Variants in CMIP observed in about 807,000 individuals in gnomAD.
CMIP encodes c-Maf inducing protein.
In CMIP, 13 loss-of-function variants were observed where a neutral mutation model predicts 97.3. The ratio of observed to expected loss-of-function variants is 0.13; its 90% CI spans 0.09 to 0.21. The LOEUF (loss-of-function observed/expected upper bound fraction) is 0.21. Among genes scored for constraint, CMIP ranks in the 10% least tolerant of loss-of-function variants. The pLI, the probability that CMIP is intolerant of heterozygous loss-of-function variation, is 1.00. For missense variants in CMIP, 847 were observed against 1,024.9 expected, an observed-to-expected ratio of 0.83 and a Z score of 2.37; for synonymous variants, 538 against 436.3, an observed-to-expected ratio of 1.23 and a Z score of -2.91.
At chr16:81,568,487 G>C (rs1232955543) in intron 1 of CMIP, among the ~76,000 whole-genome samples, 1 of 152,224 alleles carries the variant, frequency 6.6e-6, no homozygotes, top group African/African-American at 2.4e-5. Context: ...CGTGCCTCGG[G>C]AGTGAGTCAC....
chr16:81,557,071 G>A (rs370285094), intron 1 of CMIP, among the ~76,000 whole-genome samples: 1 of 152,236 alleles, frequency 6.6e-6, no homozygotes, highest in Non-Finnish European at 1.5e-5. Context: ...TGCTTGTGAC[G>A]AAAATGTTCC....
At chr16:81,699,967 C>T (rs2151094506) in intron 15 of CMIP, among the ~76,000 whole-genome samples, 166 bp downstream of exon 15, 1 of 152,288 alleles carries the variant, frequency 6.6e-6, no homozygotes, top group African/African-American at 2.4e-5. Flanking sequence ...GAGCCTTCAT[C>T]ATGCAGTGTA....
chr16:81,506,904 CAAA>C (rs35148332), intron 1 of CMIP, among the ~76,000 whole-genome samples: 11 of 105,888 alleles, frequency 1.0e-4, no homozygotes, highest in Admixed American at 2.0e-4. Flanking sequence ...GACTCCGTCT[CAAA>C]AAAAAAAAAA....
At chr16:81,572,120 G>T (rs992195971) in intron 1 of CMIP, among the ~76,000 whole-genome samples, 1 of 152,206 alleles carries the variant, frequency 6.6e-6, no homozygotes, top group Admixed American at 6.5e-5. Flanking sequence ...GTCTCCCGGG[G>T]GCTCTTTTGC....
chr16:81,599,815 A>G (rs888978399), intron 1 of CMIP, among the ~76,000 whole-genome samples: 2 of 152,188 alleles, frequency 1.3e-5, no homozygotes, highest in African/African-American at 4.8e-5. Context: ...TCCCCGCCTT[A>G]GCATTGTTGT....
At chr16:81,565,706 C>A (rs564457312) in intron 1 of CMIP, among the ~76,000 whole-genome samples, 106 of 152,212 alleles carry the variant, frequency 7.0e-4, no homozygotes, top group African/African-American at 2.1e-3. Flanking sequence ...GGGAGTGACA[C>A]AAAGACAGCG....
intron 1 of CMIP, among the ~76,000 whole-genome samples, chr16:81,531,115 G>C (rs1328269264): frequency 6.6e-6 from 1 of 151,990 alleles, no homozygotes; most frequent in Non-Finnish European, 1.5e-5. Flanking sequence ...TTAAGATCAT[G>C]CTGGAGGTCA....
chr16:81,507,934 C>G (rs140313194), intron 1 of CMIP, among the ~76,000 whole-genome samples: 3 of 152,134 alleles, frequency 2.0e-5, no homozygotes, highest in Admixed American at 6.6e-5. Context: ...TGGACTGATC[C>G]GGTGATTTTT....
At chr16:81,670,735 T>A (rs942794435) in intron 8 of CMIP, among the ~76,000 whole-genome samples, 1 of 152,080 alleles carries the variant, frequency 6.6e-6, no homozygotes, top group Non-Finnish European at 1.5e-5. Context: ...GTTAGTGTGA[T>A]GCTCCAGTGA....
chr16:81,571,487 G>A (rs1417275097), intron 1 of CMIP, among the ~76,000 whole-genome samples: 5 of 149,242 alleles, frequency 3.4e-5, no homozygotes, highest in East Asian at 2.0e-4. Flanking sequence ...AGAGCCCAGC[G>A]CAGTGGCTCA....
At position 81,660,585 on chromosome 16, in the gene CMIP, G is replaced by C. The variant is rs199760361; in HGVS notation, c.682-299G>C. ...CCACTGCGCCCAGCCAATTTTGCAA[G>C]TATTTCATGAGTATGAGTATGTTTT... On this transcript the variant is annotated intron_variant, in intron 5 of 20. Transcript: ENST00000537098. 1.2e-3 allele frequency among the ~76,000 whole-genome samples: 179 copies of C among 152,192 alleles called. 1 individual carries two copies. The highest frequency in any genetic ancestry group is 2.9e-3 in the South Asian group (14 of 4,822).
At chr16:81,636,854 C>G (rs1241524052) in intron 3 of CMIP, among the ~76,000 whole-genome samples, 1 of 136,928 alleles carries the variant, frequency 7.3e-6, no homozygotes, top group Non-Finnish European at 1.6e-5. Flanking sequence ...CCACCCCCCA[C>G]CCCCTGAAGC....
At chr16:81,603,951 A>G (rs973239048) in intron 1 of CMIP, among the ~76,000 whole-genome samples, 1 of 152,200 alleles carries the variant, frequency 6.6e-6, no homozygotes, top group East Asian at 1.9e-4. Context: ...TCTCATCTTA[A>G]CCAGTAGAGG....
chr16:81,700,004 C>T (rs1339003500), intron 15 of CMIP, among the ~76,000 whole-genome samples: 1 of 152,136 alleles, frequency 6.6e-6, no homozygotes, highest in Non-Finnish European at 1.5e-5. Flanking sequence ...TCCAGCTGAT[C>T]CATTGATCAG....
chr16:81,514,971 C>T (rs962212126), intron 1 of CMIP, among the ~76,000 whole-genome samples: 7 of 152,196 alleles, frequency 4.6e-5, no homozygotes, highest in African/African-American at 4.8e-5. Context: ...CCCTGAGCAT[C>T]GTTGTTCGAG....
intron 1 of CMIP, among the ~76,000 whole-genome samples, chr16:81,528,694 C>G (rs962577596): frequency 6.6e-6 from 1 of 152,182 alleles, no homozygotes; most frequent in African/African-American, 2.4e-5. Flanking sequence ...ATGCCCAAGT[C>G]TTGAGCTTCT....
At chr16:81,675,231 T>A (rs1433591513) in intron 9 of CMIP, among the ~76,000 whole-genome samples, 1 of 152,158 alleles carries the variant, frequency 6.6e-6, no homozygotes, top group Non-Finnish European at 1.5e-5. Context: ...TTGGAAACAG[T>A]CTCACTCTGT....
chr16:81,702,648 A>G lies in CMIP; in HGVS notation c.1923A>G (p.Leu641=), dbSNP rs371561321. 6.2e-6 allele frequency: 10 copies of G among 1,613,518 alleles called. No individual in the cohort carries two copies. The highest frequency in any genetic ancestry group is 5.0e-5 in the Admixed American group (3 of 59,944). ...ELQRKGGPTR[L]TLPSKSTDAD... ...AAAGGAAAGGCGGGCCCACCAGGCT[A>G]ACACTGCCCTCCAAGTCCACAGTGA... The change falls in exon 17 of 21, where the codon CTA becomes CTG. Residue 641 remains leucine (L), a synonymous_variant. Coordinates refer to ENST00000537098, the MANE Select transcript of CMIP (RefSeq NM_198390.3).
At chr16:81,609,648 GC>G (rs2091799284) in intron 2 of CMIP, among the ~76,000 whole-genome samples, 1 of 152,230 alleles carries the variant, frequency 6.6e-6, no homozygotes, top group South Asian at 2.1e-4. Context: ...GGCCTGGGGG[GC>G]CAAAGCAGGC....
Sources: gnomAD v4.1 joint callset for allele counts (sites outside exome capture counted in the v4.1 genomes callset) on GRCh38, gnomAD v4.1.1 for gene constraint, MANE v1.5 for transcripts, NCBI Gene and HGNC (gene_info 2026-07-23, HGNC 2026-07-21) for gene names.